PDE1C: variants seen among roughly 807,000 people sequenced by gnomAD.
PDE1C encodes dual specificity calcium/calmodulin-dependent 3',5'-cyclic nucleotide phosphodiesterase 1C.
In PDE1C, 62 loss-of-function variants were observed where a neutral mutation model predicts 93.1. That is an observed-to-expected ratio of 0.67 (90% confidence interval 0.54 to 0.82). The LOEUF (loss-of-function observed/expected upper bound fraction) is 0.82. Ranked by LOEUF, PDE1C falls within the 40% of genes least tolerant of loss-of-function variation. The pLI, the probability that PDE1C is intolerant of heterozygous loss-of-function variation, is 0.00. For missense variants in PDE1C, 742 were observed against 884.6 expected (o/e 0.84, Z 2.04); for synonymous variants, 325 against 310.1 (o/e 1.05, Z -0.50).
chr7:32,346,598 G>A lies in PDE1C; in HGVS notation c.310+81224C>T, dbSNP rs78896960. 1.5e-3 allele frequency among the ~76,000 whole-genome samples: 223 copies of A among 152,314 alleles called. 7 individuals are homozygous for A. The East Asian group carries it at 0.039, about 27-fold the overall frequency. The stretch of plus-strand genomic sequence containing the variant: ...AAACAAGTAACACCATGGCAAGCTT[G>A]GAACAAGACTGCAGAAGAAAGGAAA... On this transcript the variant is annotated intron_variant, in intron 1 of 1. Transcript: ENST00000672256.
intron 2 of PDE1C, among the ~76,000 whole-genome samples, chr7:32,050,940 T>C (rs1179664110): frequency 2.0e-5 from 3 of 152,220 alleles, no homozygotes; most frequent in South Asian, 2.1e-4. Flanking sequence ...CAACATTTAA[T>C]AGCCACATAG....
At chr7:31,815,853 G>T in intron 15 of PDE1C, 71 bp downstream of exon 15, 1 of 1,156,516 alleles carries the variant, frequency 8.6e-7, no homozygotes, top group Non-Finnish European at 1.3e-6. Flanking sequence ...CAGTAGGGTT[G>T]TTCACCAGTT....
At chr7:32,405,369 A>G (rs2128096554) in intron 1 of PDE1C, among the ~76,000 whole-genome samples, 1 of 151,276 alleles carries the variant, frequency 6.6e-6, no homozygotes, top group African/African-American at 2.4e-5. Flanking sequence ...CTCCTGCCTC[A>G]GCCTCCCAAG....
intron 3 of PDE1C, among the ~76,000 whole-genome samples, chr7:32,135,976 T>A (rs1800184314): frequency 1.3e-5 from 2 of 152,166 alleles, no homozygotes; most frequent in Admixed American, 6.6e-5. Flanking sequence ...TGCAGTAACA[T>A]GGATGAACCT....
chr7:32,005,347 G>A (rs1786054039), intron 2 of PDE1C, among the ~76,000 whole-genome samples: 1 of 151,902 alleles, frequency 6.6e-6, no homozygotes, highest in Non-Finnish European at 1.5e-5. Context: ...ATGATGTCAG[G>A]AGATCGAGAC....
At chr7:32,298,099 C>T (rs560906894) in intron 1 of PDE1C, among the ~76,000 whole-genome samples, 2 of 145,492 alleles carry the variant, frequency 1.4e-5, no homozygotes, top group South Asian at 4.5e-4. Context: ...CTCTGTCTCT[C>T]TCAGCCTCTC....
intron 3 of PDE1C, among the ~76,000 whole-genome samples, chr7:32,156,554 TG>T (rs2128794585): frequency 1.3e-5 from 2 of 152,318 alleles, no homozygotes; most frequent in East Asian, 3.9e-4. Flanking sequence ...TCGCCTCTGC[TG>T]GGCCTTTGTG....
intron 2 of PDE1C, among the ~76,000 whole-genome samples, chr7:31,917,954 T>C (rs1802136361): frequency 6.6e-6 from 1 of 152,150 alleles, no homozygotes. Flanking sequence ...GTAAATAATA[T>C]TGAGTGCTAC....
chr7:31,775,877 A>G, intron 16 of PDE1C, 145 bp from the exon 17 acceptor site: 1 of 680,954 alleles, frequency 1.5e-6, no homozygotes, highest in Non-Finnish European at 2.6e-6. Flanking sequence ...GGTGGTGCAT[A>G]TTCTGTGGTC....
chr7:32,060,834 A>G (rs1416760309), intron 1 of PDE1C, among the ~76,000 whole-genome samples: 1 of 152,192 alleles, frequency 6.6e-6, no homozygotes, highest in Non-Finnish European at 1.5e-5. Flanking sequence ...CTAATGAGCT[A>G]GGAAAGGCCT....
intron 15 of PDE1C, among the ~76,000 whole-genome samples, chr7:31,814,772 G>A (rs547013222): frequency 6.7e-6 from 1 of 150,370 alleles, no homozygotes; most frequent in East Asian, 2.0e-4. Context: ...GAGTATTACT[G>A]AAGGTTCCAT....
the PDE1C span, chr7:31,696,946 T>C: frequency 2.0e-5 from 32 of 1,612,420 alleles, no homozygotes; most frequent in Non-Finnish European, 2.6e-5. Flanking sequence ...TTTCTCTCTG[T>C]GTTCCCCTAA....
chr7:31,652,916 G>A, the PDE1C span: 3 of 1,538,558 alleles, frequency 1.9e-6, no homozygotes, highest in Non-Finnish European at 2.6e-6. Context: ...CCAAGGAGAA[G>A]GGTCTGCCAA....
intron 2 of PDE1C, among the ~76,000 whole-genome samples, chr7:31,923,325 G>T (rs1003597146): frequency 6.6e-6 from 1 of 152,148 alleles, no homozygotes; most frequent in Non-Finnish European, 1.5e-5. Flanking sequence ...GACTGTGGGT[G>T]CCCAGGTCCC....
chr7:31,755,517 A>C (rs965885268), intron 17 of PDE1C, among the ~76,000 whole-genome samples: 18 of 152,170 alleles, frequency 1.2e-4, no homozygotes, highest in African/African-American at 4.3e-4. Context: ...ACTCGGACAC[A>C]AAATATACAA....
chr7:32,341,203 T>G, intron 1 of PDE1C, among the ~76,000 whole-genome samples: 1 of 84,754 alleles, frequency 1.2e-5, no homozygotes, highest in African/African-American at 3.7e-5. Context: ...TGAGACGGAG[T>G]CTCGCTCTGT....
intron 16 of PDE1C, among the ~76,000 whole-genome samples, chr7:31,777,643 C>T (rs1040916171): frequency 3.9e-5 from 6 of 152,120 alleles, no homozygotes; most frequent in Non-Finnish European, 5.9e-5. Flanking sequence ...TCATCTTAAA[C>T]AACAGGGCAC....
chr7:32,388,979 A>G (rs536990100), intron 1 of PDE1C, among the ~76,000 whole-genome samples: 1 of 152,370 alleles, frequency 6.6e-6, no homozygotes, highest in African/African-American at 2.4e-5. Context: ...AATCCTAACC[A>G]GAATGAACCA....
At chr7:31,891,259 G>A (rs912412483) in intron 2 of PDE1C, among the ~76,000 whole-genome samples, 4 of 152,066 alleles carry the variant, frequency 2.6e-5, no homozygotes, top group African/African-American at 4.8e-5. Context: ...ACCTAACTAC[G>A]TCTTTCCAAG....
Sources: gnomAD v4.1 joint callset for allele counts (sites outside exome capture counted in the v4.1 genomes callset) on GRCh38, gnomAD v4.1.1 for gene constraint, MANE v1.5 for transcripts, NCBI Gene and HGNC (gene_info 2026-07-23, HGNC 2026-07-21) for gene names.